ADAM22: variants seen among roughly 807,000 people sequenced by gnomAD.
ADAM22 encodes disintegrin and metalloproteinase domain-containing protein 22.
In ADAM22, 65 loss-of-function variants were observed where a neutral mutation model predicts 144.6. The observed-to-expected ratio is 0.45, with a 90% CI of 0.37 to 0.55. The LOEUF is 0.55. Among genes scored for constraint, ADAM22 ranks in the 20% least tolerant of loss-of-function variants. The probability of loss-of-function intolerance (pLI) is 0.00; values close to 1 mark genes in which losing one functional copy is unlikely to be tolerated. For synonymous variants in ADAM22, 391 were observed against 412.6 expected, an observed-to-expected ratio of 0.95 and a Z score of 0.63; for missense variants, 974 against 1,184.9, an observed-to-expected ratio of 0.82 and a Z score of 2.61.
intron 2 of ADAM22, among the ~76,000 whole-genome samples, chr7:87,974,864 C>T (rs769738358): frequency 6.6e-5 from 10 of 152,102 alleles, no homozygotes; most frequent in Middle Eastern, 3.2e-3. Flanking sequence ...TGTCTGCATT[C>T]CTTGGTTCCT....
chr7:88,113,476 G>C (rs894192632), intron 5 of ADAM22, among the ~76,000 whole-genome samples: 7 of 150,386 alleles, frequency 4.7e-5, no homozygotes, highest in African/African-American at 1.5e-4. Flanking sequence ...ACTTAAGAAA[G>C]ATTGTATTTC....
In ADAM22 at chr7:88,198,840, A is replaced by G. The variant is rs1850931525; in HGVS notation, c.*2349A>G. On this transcript the variant is annotated 3_prime_UTR_variant, in exon 32 of 32. Transcript: ENST00000413139. ...TGGGAGACATGGTTTCTCTAGAGGTATATAGTTTGTAATTACCCGCCTTGG... is the reference window on the plus strand; with the variant it reads ...TGGGAGACATGGTTTCTCTAGAGGTGTATAGTTTGTAATTACCCGCCTTGG... The G allele has an allele frequency of 6.6e-6, 1 of 152,210 alleles. No individual in the cohort carries two copies. The highest frequency in any genetic ancestry group is 1.5e-5 in the Non-Finnish European group (1 of 68,036). 9.4% of individuals were successfully genotyped at this position (152,210 alleles called of 1,614,324 possible).
chr7:88,162,194 G>A (rs1164543646), intron 22 of ADAM22, among the ~76,000 whole-genome samples: 1 of 151,398 alleles, frequency 6.6e-6, no homozygotes, highest in Non-Finnish European at 1.5e-5. Context: ...GGACATGGAT[G>A]GAGCTGGAGG....
chr7:88,197,841 C>T lies in ADAM22; in HGVS notation c.*1350C>T, dbSNP rs941835389. The T allele has an allele frequency of 2.6e-5, 4 of 152,186 alleles. No individual in the cohort carries two copies. Among genetic ancestry groups the T allele is most frequent in the African/African-American group, 9.7e-5 (4 of 41,434 alleles). The allele number at this position is 152,186 out of a possible 1,614,324, so 9.4% of individuals were successfully genotyped here. ...CATAAAGGGTTAAGTTAGATCTAAA[C>T]CACAGAGATGCAGCATCTGCGAAGT... On this transcript the variant is annotated 3_prime_UTR_variant, in exon 32 of 32. Coordinates refer to ENST00000413139, the MANE Select transcript of ADAM22 (RefSeq NM_001324418.2).
In ADAM22 at chr7:87,955,630, C is replaced by G. The variant is rs1430930514; in HGVS notation, c.246+20444C>G. 2.0e-5 allele frequency among the ~76,000 whole-genome samples: 3 copies of G among 152,296 alleles called. No individual in the cohort carries two copies. The East Asian group carries it at 5.8e-4, about 29-fold the overall frequency. ...CTGCCCGTTCTCAGATCTCCAGCTG[C>G]GTGCTGGGAGAACCACTGCTCTCCT... is the stretch of plus-strand genomic sequence containing the variant. On this transcript the variant is annotated intron_variant, in intron 2 of 31. Transcript: ENST00000413139.
At chr7:88,150,083 C>T (rs546662949) in intron 18 of ADAM22, among the ~76,000 whole-genome samples, 50 of 152,140 alleles carry the variant, frequency 3.3e-4, no homozygotes, top group Non-Finnish European at 6.0e-4. Context: ...ACATCGTCAC[C>T]TATATGTCAC....
intron 4 of ADAM22, among the ~76,000 whole-genome samples, chr7:88,090,327 T>C (rs1819526264): frequency 2.0e-5 from 3 of 152,168 alleles, no homozygotes; most frequent in South Asian, 4.1e-4. Flanking sequence ...ACATAGGTTC[T>C]CTCAGACAGG....
At chr7:88,175,531 GA>G (rs1458516795) in intron 26 of ADAM22, among the ~76,000 whole-genome samples, 3 of 152,026 alleles carry the variant, frequency 2.0e-5, no homozygotes, top group African/African-American at 7.2e-5. Flanking sequence ...TTTTGAGGGG[GA>G]AAAAAACTAG....
In ADAM22 at chr7:88,085,077, A is replaced by G. The variant is rs572302303; in HGVS notation, c.390+9385A>G. On this transcript the variant is annotated intron_variant, in intron 4 of 31. Transcript: ENST00000413139. ...CTTTAGAGACCCTGTCTCTACATAC[A>G]GTTATATTCTGAGGTATTAGGGGTT... 4.6e-5 allele frequency among the ~76,000 whole-genome samples: 7 copies of G among 152,262 alleles called. No individual in the cohort carries two copies. The East Asian group carries it at 1.2e-3, about 25-fold the overall frequency.
Position 88,201,805 on chromosome 7 carries a change from A to G in ADAM22, c.*5314A>G, listed in dbSNP as rs1851223128. 1 of 152,220 alleles carries G rather than the reference A, an allele frequency of 6.6e-6. No individual in the cohort carries two copies. Among genetic ancestry groups the G allele is most frequent in the South Asian group, 2.1e-4 (1 of 4,836 alleles). The allele number at this position is 152,220 out of a possible 1,614,324, so 9.4% of individuals were successfully genotyped here. On this transcript the variant is annotated 3_prime_UTR_variant, in exon 32 of 32. Transcript: ENST00000413139. ...GACGAATTCTTAAGATAATGCACAT[A>G]CAGAATCATCAATAAAGTTTCAAAG... is the stretch of plus-strand genomic sequence containing the variant.
In ADAM22 at chr7:88,196,613, C is replaced by G; in HGVS notation, c.*122C>G. 9.2e-7 allele frequency: 1 copy of G among 1,089,236 alleles called. No homozygotes were observed. Among genetic ancestry groups the G allele is most frequent in the Non-Finnish European group, 1.4e-6 (1 of 720,860 alleles). The allele number at this position is 1,089,236 out of a possible 1,614,324, so 67.5% of individuals were successfully genotyped here. ...GACAATACGAAGACCCTCTGAGATG[C>G]TACAGAGGAGAGGAAGCGGAGTTTC... On this transcript the variant is annotated 3_prime_UTR_variant, in exon 32 of 32. Coordinates refer to ENST00000413139, the MANE Select transcript of ADAM22 (RefSeq NM_001324418.2).
chr7:88,015,092 A>C (rs1223402250), intron 3 of ADAM22, among the ~76,000 whole-genome samples: 3 of 151,414 alleles, frequency 2.0e-5, no homozygotes, highest in Admixed American at 6.6e-5. Flanking sequence ...TAAAGTAACA[A>C]AGGTTTAATA....
intron 10 of ADAM22, among the ~76,000 whole-genome samples, chr7:88,130,860 G>T (rs527905116): frequency 6.6e-6 from 1 of 152,210 alleles, no homozygotes; most frequent in Admixed American, 6.5e-5. Context: ...ATCTTCCCTT[G>T]ATGAGGCTGC....
intron 3 of ADAM22, among the ~76,000 whole-genome samples, chr7:87,997,278 A>G (rs1319374937): frequency 6.6e-6 from 1 of 152,268 alleles, no homozygotes; most frequent in Non-Finnish European, 1.5e-5. Context: ...CTCTGAAAGC[A>G]GTAACATTTT....
Position 88,128,689 on chromosome 7 carries a change from G to C in ADAM22, c.753+13G>C, listed in dbSNP as rs781507085. On this transcript the variant is annotated intron_variant, in intron 9 of 31. Transcript: ENST00000413139. ...TGATCACCTTATGGTAGGATTTGCT[G>C]TTGTTTTTAAGCCTGTTTGTGCCTA... The C allele has an allele frequency of 1.4e-5, 22 of 1,608,426 alleles. No homozygotes were observed. Among genetic ancestry groups the C allele is most frequent in the Non-Finnish European group, 1.9e-5 (22 of 1,176,214 alleles).
At chr7:88,191,955 A>G (rs962439607) in intron 30 of ADAM22, among the ~76,000 whole-genome samples, 5 of 152,226 alleles carry the variant, frequency 3.3e-5, no homozygotes, top group African/African-American at 1.2e-4. Context: ...AATTAGTATG[A>G]AAACTATGGC....
intron 3 of ADAM22, among the ~76,000 whole-genome samples, chr7:88,054,315 A>G (rs192207905): frequency 8.3e-4 from 126 of 152,292 alleles, no homozygotes; most frequent in Non-Finnish European, 1.6e-3. Context: ...CCCTGTTTCC[A>G]TCACATGCAA....
intron 4 of ADAM22, among the ~76,000 whole-genome samples, chr7:88,082,472 C>A (rs1817014662): frequency 6.6e-6 from 1 of 151,998 alleles, no homozygotes; most frequent in Non-Finnish European, 1.5e-5. Flanking sequence ...GCAACAAAAG[C>A]CAAAATTGAC....
chr7:88,148,366 C>T (rs1242066152), intron 17 of ADAM22, among the ~76,000 whole-genome samples: 1 of 152,260 alleles, frequency 6.6e-6, no homozygotes, highest in South Asian at 2.1e-4. Flanking sequence ...TGAAGTTAAA[C>T]ATTTATTTGT....
Sources: allele counts gnomAD v4.1 joint callset (sites outside exome capture counted in the v4.1 genomes callset), GRCh38; gene constraint gnomAD v4.1.1; transcripts MANE v1.5; gene names NCBI Gene and HGNC (gene_info 2026-07-23, HGNC 2026-07-21).